The following APLP2 variants were observed in gnomAD, a reference collection of about 807,000 sequenced individuals.
The protein encoded by APLP2 is amyloid beta precursor like protein 2, also known as CDEI box-binding protein.
APLP2 carries 53 observed loss-of-function variants against 89.9 expected under a neutral mutation model. The ratio of observed to expected loss-of-function variants is 0.59; its 90% CI spans 0.47 to 0.74. The LOEUF is 0.74. Among genes scored for constraint, APLP2 ranks in the 30% least tolerant of loss-of-function variants. APLP2 has a pLI of 0.00. For missense variants in APLP2, 973 were observed against 975.9 expected, an observed-to-expected ratio of 1.00 and a Z score of 0.04; for synonymous variants, 372 against 348.6, an observed-to-expected ratio of 1.07 and a Z score of -0.75.
chr11:130,099,706 G>A (rs1296626427), intron 1 of APLP2, among the ~76,000 whole-genome samples: 1 of 152,230 alleles, frequency 6.6e-6, no homozygotes, highest in Non-Finnish European at 1.5e-5. Context: ...TGTGAAGAAG[G>A]AATGTGCACT....
intron 14 of APLP2, 100 bp downstream of exon 14, chr11:130,140,583 C>T (rs1451724192): frequency 2.1e-6 from 2 of 950,910 alleles, no homozygotes; most frequent in African/African-American, 3.3e-5. Context: ...TCTCTGTGTT[C>T]GTTTTCCGCA....
At chr11:130,115,208 A>T (rs537246699) in intron 3 of APLP2, among the ~76,000 whole-genome samples, 27 of 151,826 alleles carry the variant, frequency 1.8e-4, no homozygotes, top group East Asian at 9.7e-4. Flanking sequence ...ATTTATTATT[A>T]TTTTTTTAAT....
intron 9 of APLP2, 126 bp from the exon 10 acceptor site, chr11:130,128,922 C>T (rs1950641617): frequency 2.0e-6 from 2 of 1,018,588 alleles, no homozygotes; most frequent in South Asian, 3.4e-5. Flanking sequence ...TACCCTTGCT[C>T]CACTCTCCGA....
At chr11:130,116,456 C>T (rs1949173457) in intron 3 of APLP2, among the ~76,000 whole-genome samples, 1 of 151,842 alleles carries the variant, frequency 6.6e-6, no homozygotes, top group Non-Finnish European at 1.5e-5. Context: ...AATTCACTTG[C>T]CTAGTTATTT....
At chr11:130,129,764 A>T (rs1028564829) in intron 10 of APLP2, among the ~76,000 whole-genome samples, 2 of 152,184 alleles carry the variant, frequency 1.3e-5, no homozygotes, top group Non-Finnish European at 2.9e-5. Flanking sequence ...CTGAGCCAGG[A>T]AAAAGGACAG....
intron 1 of APLP2, among the ~76,000 whole-genome samples, chr11:130,088,738 C>CT (rs374112438): frequency 6.6e-6 from 1 of 151,520 alleles, no homozygotes; most frequent in Non-Finnish European, 1.5e-5. Context: ...AATTTGTGTC[C>CT]TTTTTTTTCT....
At chr11:130,109,760 C>G in intron 2 of APLP2, 158 bp downstream of exon 2, 2 of 726,646 alleles carry the variant, frequency 2.8e-6, no homozygotes, top group Non-Finnish European at 4.2e-6. Flanking sequence ...TGTGGCATGA[C>G]TGAGACCTCT....
At chr11:130,106,836 C>A (rs1245886123) in intron 1 of APLP2, among the ~76,000 whole-genome samples, 1 of 152,176 alleles carries the variant, frequency 6.6e-6, no homozygotes, top group African/African-American at 2.4e-5. Flanking sequence ...TTACCGGCAT[C>A]CGCCACCACG....
chr11:130,091,505 A>C (rs1591779746), intron 1 of APLP2, among the ~76,000 whole-genome samples: 4 of 116,366 alleles, frequency 3.4e-5, no homozygotes, highest in South Asian at 2.7e-4. Context: ...TGACCCCCCC[A>C]CCTCCCTCCC....
chr11:130,131,019 CG>C (rs558779394), intron 11 of APLP2, among the ~76,000 whole-genome samples: 157 of 152,314 alleles, frequency 1.0e-3, no homozygotes, highest in Admixed American at 4.6e-3. Context: ...TCAGTGCTGC[CG>C]GGTTGACTCC....
At chr11:130,100,850 C>G (rs1946814259) in intron 1 of APLP2, among the ~76,000 whole-genome samples, 1 of 152,150 alleles carries the variant, frequency 6.6e-6, no homozygotes, top group Non-Finnish European at 1.5e-5. Context: ...GTTAAAAAAT[C>G]AAAAGACCAA....
At chr11:130,110,912 A>C in intron 3 of APLP2, among the ~76,000 whole-genome samples, 1 of 152,162 alleles carries the variant, frequency 6.6e-6, no homozygotes, top group Non-Finnish European at 1.5e-5. Flanking sequence ...TGCTACCCAC[A>C]GAGCAATTGC....
At chr11:130,085,012 G>C (rs1287774177) in intron 1 of APLP2, among the ~76,000 whole-genome samples, 1 of 152,212 alleles carries the variant, frequency 6.6e-6, no homozygotes, top group Non-Finnish European at 1.5e-5. Context: ...AGACTATTAT[G>C]AGCAGTTGTA....
At chr11:130,138,028 G>A (rs934881216) in intron 13 of APLP2, among the ~76,000 whole-genome samples, 2 of 152,190 alleles carry the variant, frequency 1.3e-5, no homozygotes, top group African/African-American at 4.8e-5. Context: ...CTAAGAAGTG[G>A]AGGAACCAGG....
intron 3 of APLP2, among the ~76,000 whole-genome samples, chr11:130,114,981 G>C (rs1251604589): frequency 6.6e-6 from 1 of 152,062 alleles, no homozygotes; most frequent in African/African-American, 2.4e-5. Context: ...AGTTCACCCT[G>C]TTCCTGGTGT....
chr11:130,105,079 A>T (rs1471052480), intron 1 of APLP2, among the ~76,000 whole-genome samples: 2 of 152,230 alleles, frequency 1.3e-5, no homozygotes, highest in Non-Finnish European at 2.9e-5. Context: ...ATCAGCATAA[A>T]TAAATTAAAG....
chr11:130,110,392 G>T, intron 2 of APLP2, 146 bp from the exon 3 acceptor site: 1 of 968,928 alleles, frequency 1.0e-6, no homozygotes. Context: ...GATGACTTCA[G>T]TTAGAGCCAG....
chr11:130,073,277 C>T (rs1415236095), intron 1 of APLP2, among the ~76,000 whole-genome samples: 1 of 152,150 alleles, frequency 6.6e-6, no homozygotes. Flanking sequence ...ATTAATTTCA[C>T]TTGTTTCTTT....
intron 1 of APLP2, among the ~76,000 whole-genome samples, chr11:130,098,095 A>G (rs574162096): frequency 1.3e-5 from 2 of 152,204 alleles, no homozygotes; most frequent in South Asian, 4.2e-4. Context: ...ACTGGCAAAA[A>G]TCATCATATA....
Sources: gnomAD v4.1 joint callset for allele counts (sites outside exome capture counted in the v4.1 genomes callset) on GRCh38, gnomAD v4.1.1 for gene constraint, MANE v1.5 for transcripts, NCBI Gene and HGNC (gene_info 2026-07-23, HGNC 2026-07-21) for gene names.